The following PNISR variants were observed in gnomAD, a reference collection of about 807,000 sequenced individuals.
The protein encoded by PNISR is arginine/serine-rich protein PNISR.
Under a neutral mutation model 93.4 loss-of-function variants are expected in PNISR, and 20 were observed. That is an observed-to-expected ratio of 0.21 (90% CI 0.15 to 0.31). PNISR has a LOEUF of 0.31. Among genes scored for constraint, PNISR ranks in the 10% least tolerant of loss-of-function variants. PNISR has a pLI of 1.00. For synonymous variants in PNISR, 305 were observed against 306.5 expected, an observed-to-expected ratio of 0.99 and a Z score of 0.05; for missense variants, 893 against 985.4, an observed-to-expected ratio of 0.91 and a Z score of 1.25.
chr6:99,401,992 G>A (rs534228072), intron 11 of PNISR, among the ~76,000 whole-genome samples: 1 of 152,268 alleles, frequency 6.6e-6, no homozygotes, highest in East Asian at 1.9e-4. Flanking sequence ...CCTGGACAGT[G>A]TAGCAAAATA....
rs1776389659 is a variant in PNISR, at chr6:99,408,150, T to C, written c.795A>G (p.Lys265=). 6.2e-7 allele frequency: 1 copy of C among 1,612,860 alleles called. No homozygotes were observed. The highest frequency in any genetic ancestry group is 8.5e-7 in the Non-Finnish European group (1 of 1,179,718). The part of the protein sequence containing the change: ...RMEQQRSQLS[K]KEKKATEDAE... ...CATCTTCTGTGGCCTTTTTTTCTTT[T>C]TTGGACAATTGTGAACGTTGTTGTT... Residue 265 remains lysine, a synonymous_variant, in exon 7 of 12, where the codon AAA becomes AAG. Transcript: ENST00000369239.
intron 4 of PNISR, chr6:99,412,023 A>T (rs2128487336): frequency 6.4e-6 from 2 of 310,268 alleles, no homozygotes; most frequent in Non-Finnish European, 1.3e-5. Context: ...AGAAATCTAC[A>T]TCATACTGTG....
chr6:99,423,863 C>T (rs946534874), intron 1 of PNISR, among the ~76,000 whole-genome samples: 5 of 152,114 alleles, frequency 3.3e-5, no homozygotes, highest in African/African-American at 1.2e-4. Flanking sequence ...CATTCTAAGG[C>T]CTCTCTCCTT....
chr6:99,417,792 C>A (rs1777902712), intron 1 of PNISR, among the ~76,000 whole-genome samples: 1 of 151,784 alleles, frequency 6.6e-6, no homozygotes, highest in Non-Finnish European at 1.5e-5. Flanking sequence ...ATGGTGAAAC[C>A]CCCGTCTCTA....
chr6:99,421,719 G>C (rs1334616469), intron 1 of PNISR, among the ~76,000 whole-genome samples: 2 of 152,148 alleles, frequency 1.3e-5, no homozygotes, highest in African/African-American at 4.8e-5. Flanking sequence ...TCTGTTGTTT[G>C]AAATCAGCCA....
chr6:99,407,124 A>T (rs1179655125), intron 7 of PNISR, among the ~76,000 whole-genome samples: 1 of 152,168 alleles, frequency 6.6e-6, no homozygotes, highest in Admixed American at 6.5e-5. Context: ...GTTCAAGACC[A>T]GCCTGGGCAA....
chr6:99,419,563 A>AT (rs1292145964), intron 1 of PNISR, among the ~76,000 whole-genome samples: 2 of 152,202 alleles, frequency 1.3e-5, no homozygotes, highest in Non-Finnish European at 2.9e-5. Context: ...CCTGTTTTGG[A>AT]TAAGATTATC....
rs769417071 is a variant in PNISR at position 99,410,967 on chromosome 6, A to AT, written c.278-4dup. ...GGGTTGCTGATGCATTCCCCATTCTATTTAAGATTTAGGCATAAAAACATT... is the reference window on the plus strand; with the variant it reads ...GGGTTGCTGATGCATTCCCCATTCTATTTTAAGATTTAGGCATAAAAACATT... On this transcript the variant is annotated splice_region_variant and splice_polypyrimidine_tract_variant and intron_variant, in intron 4 of 11. Coordinates refer to ENST00000369239, the MANE Select transcript of PNISR (RefSeq NM_032870.4). 1.6e-5 allele frequency: 26 copies of AT among 1,605,734 alleles called. 1 individual carries two copies. The South Asian group carries it at 2.8e-4, about 17-fold the overall frequency.
intron 4 of PNISR, chr6:99,411,919 A>G (rs1205192133): frequency 5.2e-6 from 1 of 192,456 alleles, no homozygotes; most frequent in African/African-American, 2.4e-5. Flanking sequence ...TGACTTCACC[A>G]TCAGCATACC....
intron 3 of PNISR, among the ~76,000 whole-genome samples, chr6:99,414,109 C>T (rs992409764): frequency 1.3e-5 from 2 of 152,182 alleles, no homozygotes; most frequent in African/African-American, 2.4e-5. Flanking sequence ...AAATTGGCCA[C>T]TAGTTAACAA....
chr6:99,424,758 A>G (rs973804644), intron 1 of PNISR, among the ~76,000 whole-genome samples: 1 of 152,270 alleles, frequency 6.6e-6, no homozygotes, highest in African/African-American at 2.4e-5. Context: ...AGCTTAACAC[A>G]TAATATCCAT....
chr6:99,410,621 T>C (rs937504931), intron 5 of PNISR, 120 bp downstream of exon 5: 3 of 631,874 alleles, frequency 4.7e-6, no homozygotes, highest in Non-Finnish European at 8.3e-6. Context: ...TGAGACAGAA[T>C]GTGCTTATTT....
At chr6:99,420,214 A>C (rs917838253) in intron 1 of PNISR, among the ~76,000 whole-genome samples, 1 of 152,278 alleles carries the variant, frequency 6.6e-6, no homozygotes, top group African/African-American at 2.4e-5. Flanking sequence ...AAAGGCCTCA[A>C]GTGGCATCAT....
At chr6:99,415,885 C>T (rs1337940052) in intron 2 of PNISR, 1 of 152,254 alleles carries the variant, frequency 6.6e-6, no homozygotes, top group African/African-American at 2.4e-5. Context: ...GTTTCCAACT[C>T]CAGTCTTCGC....
Position 99,409,280 on chromosome 6 carries a change from G to T in PNISR, c.566C>A (p.Pro189Gln), listed in dbSNP as rs777690298. 1 of 1,613,968 alleles carries T rather than the reference G, an allele frequency of 6.2e-7. No individual in the cohort carries two copies. Among genetic ancestry groups the T allele is most frequent in the Non-Finnish European group, 8.5e-7 (1 of 1,179,936 alleles). The change falls in exon 6 of 12, where the codon CCA (proline) becomes CAA (glutamine). Residue 189 changes from proline to glutamine, a missense_variant. Physicochemically the swap from Pro to Gln is moderately conservative, Grantham distance 76. Transcript: ENST00000369239. Reference protein sequence around the residue: ...FHPPYWQPGPPGPPAPPQNRR... With the variant: ...FHPPYWQPGPQGPPAPPQNRR... The stretch of plus-strand genomic sequence containing the variant: ...ATTCTGGGGAGGTGCTGGAGGTCCT[G>T]GAGGTCCTGGTTGCCAATAAGGAGG...
At chr6:99,418,629 A>G (rs1026920213) in intron 1 of PNISR, among the ~76,000 whole-genome samples, 3 of 152,206 alleles carry the variant, frequency 2.0e-5, no homozygotes, top group African/African-American at 7.2e-5. Context: ...CAAGTAATAT[A>G]ATGTTTGGGA....
At chr6:99,409,045 T>TA (rs1419204208) in intron 6 of PNISR, 128 bp downstream of exon 6, 2 of 710,664 alleles carry the variant, frequency 2.8e-6, no homozygotes, top group Non-Finnish European at 4.7e-6. Context: ...TTTATGACCA[T>TA]AAAAAATAAA....
At chr6:99,421,106 G>A (rs1375060949) in intron 1 of PNISR, among the ~76,000 whole-genome samples, 1 of 152,114 alleles carries the variant, frequency 6.6e-6, no homozygotes. Flanking sequence ...AGCTTGTTAG[G>A]CTTGGGTTTT....
At chr6:99,412,373 A>AT (rs1777055424) in intron 4 of PNISR, 178 bp downstream of exon 4, 1 of 697,528 alleles carries the variant, frequency 1.4e-6, no homozygotes, top group Admixed American at 2.0e-5. Context: ...AGCTAGCAGA[A>AT]TGAGTACAGA....
Sources: allele counts gnomAD v4.1 joint callset (sites outside exome capture counted in the v4.1 genomes callset), GRCh38; gene constraint gnomAD v4.1.1; transcripts MANE v1.5; gene names NCBI Gene and HGNC (gene_info 2026-07-23, HGNC 2026-07-21).